The following ADAMTS3 variants were observed in gnomAD, a reference collection of about 807,000 sequenced individuals.
ADAMTS3 encodes ADAM metallopeptidase with thrombospondin type 1 motif 3, also known as A disintegrin and metalloproteinase with thrombospondin motifs 3.
ADAMTS3 carries 73 observed loss-of-function variants against 129.0 expected under a neutral mutation model. The ratio of observed to expected loss-of-function variants is 0.57; its 90% CI spans 0.47 to 0.69. The LOEUF (loss-of-function observed/expected upper bound fraction) is 0.69, where lower values mean the gene tolerates loss of function less well. ADAMTS3 is among the 30% of genes least tolerant of loss of function. The pLI, the probability that ADAMTS3 is intolerant of heterozygous loss-of-function variation, is 0.00. For synonymous variants in ADAMTS3, 477 were observed against 510.8 expected (o/e 0.93, Z 0.89); for missense variants, 1,457 against 1,514.5 (o/e 0.96, Z 0.63).
intron 3 of ADAMTS3, among the ~76,000 whole-genome samples, chr4:72,521,254 GC>G (rs1560548948): frequency 6.6e-6 from 1 of 152,136 alleles, no homozygotes; most frequent in South Asian, 2.1e-4. Context: ...TGCCTCAGCT[GC>G]CCAAAGTGCT....
chr4:72,422,748 T>C (rs995144123), intron 3 of ADAMTS3, among the ~76,000 whole-genome samples: 4 of 152,144 alleles, frequency 2.6e-5, no homozygotes, highest in Non-Finnish European at 4.4e-5. Flanking sequence ...AGCCCAATTA[T>C]AATAAACTAG....
At chr4:72,377,429 G>T (rs1721161287) in intron 4 of ADAMTS3, among the ~76,000 whole-genome samples, 1 of 152,094 alleles carries the variant, frequency 6.6e-6, no homozygotes, top group Non-Finnish European at 1.5e-5. Flanking sequence ...AGAGGAAAAA[G>T]GATTTAGGAT....
intron 3 of ADAMTS3, among the ~76,000 whole-genome samples, chr4:72,521,638 C>T (rs765636532): frequency 1.1e-4 from 16 of 152,032 alleles, no homozygotes; most frequent in Admixed American, 5.2e-4. Context: ...GAAACATCCT[C>T]GAAAGTGACT....
At chr4:72,405,558 A>G (rs543331181) in intron 4 of ADAMTS3, among the ~76,000 whole-genome samples, 3 of 152,224 alleles carry the variant, frequency 2.0e-5, no homozygotes, top group Admixed American at 2.0e-4. Flanking sequence ...TATATCACAA[A>G]CTTTTTAAAT....
intron 3 of ADAMTS3, among the ~76,000 whole-genome samples, chr4:72,475,564 G>A (rs1342824077): frequency 1.3e-5 from 2 of 151,830 alleles, no homozygotes; most frequent in Non-Finnish European, 2.9e-5. Flanking sequence ...AATTACAGTT[G>A]GAGTCTTTAA....
In ADAMTS3 at chr4:72,283,188, C is replaced by CCAT; in HGVS notation, c.3563_3565dup (p.Asp1188dup). ...CGGACGTCTGTTGTCAATGATCTTT[C>CCAT]CATCTTTCTTTGAGGTTCTTGCCTG... On this transcript the variant is annotated inframe_insertion, in exon 22 of 22. Transcript: ENST00000286657. 1.2e-6 allele frequency: 2 copies of CCAT among 1,613,678 alleles called. No homozygotes were observed. The highest frequency in any genetic ancestry group is 2.7e-5 in the African/African-American group (2 of 74,998).
Position 72,408,911 on chromosome 4 carries a change from G to A in ADAMTS3, c.661+5904C>T, listed in dbSNP as rs112819433. On this transcript the variant is annotated intron_variant, in intron 4 of 21. Transcript: ENST00000286657. Reference sequence around the variant, plus strand: ...GAGGAGAACATCACACACCAGGGCCGGTCGGGGGGTGGGGGCCTAGGGGAG... The same window carrying A: ...GAGGAGAACATCACACACCAGGGCCAGTCGGGGGGTGGGGGCCTAGGGGAG... Among the ~76,000 whole-genome samples, 288 of 151,904 alleles carry A rather than the reference G, an allele frequency of 1.9e-3. 1 individual carries two copies. Among genetic ancestry groups the A allele is most frequent in the African/African-American group, 6.2e-3 (258 of 41,424 alleles).
intron 3 of ADAMTS3, among the ~76,000 whole-genome samples, chr4:72,520,530 C>A (rs546623920): frequency 6.6e-6 from 1 of 152,226 alleles, no homozygotes; most frequent in African/African-American, 2.4e-5. Flanking sequence ...TTTACCTAAG[C>A]GAGCCTGGGC....
chr4:72,409,554 T>G (rs548077440), intron 4 of ADAMTS3, among the ~76,000 whole-genome samples: 1 of 141,498 alleles, frequency 7.1e-6, no homozygotes, highest in Non-Finnish European at 1.6e-5. Flanking sequence ...CATCTTCAAT[T>G]CTTTATTGGA....
chr4:72,356,365 A>G, intron 4 of ADAMTS3, among the ~76,000 whole-genome samples: 1 of 152,042 alleles, frequency 6.6e-6, no homozygotes, highest in Middle Eastern at 3.4e-3. Context: ...AGAGGCACAC[A>G]CTATTATATG....
chr4:72,563,628 TG>T (rs1721956254), intron 2 of ADAMTS3, among the ~76,000 whole-genome samples: 1 of 152,108 alleles, frequency 6.6e-6, no homozygotes, highest in Non-Finnish European at 1.5e-5. Flanking sequence ...CTGTGCTTTG[TG>T]GGGTGGAAGA....
chr4:72,298,326 A>T lies in ADAMTS3; in HGVS notation c.2541T>A (p.Phe847Leu), dbSNP rs1337194456. ...GAGACCAGCTCTTCAAAGCCCACTCAAAAGTATCTAATTCTTCCTGGATGA... is the reference window on the plus strand; with the variant it reads ...GAGACCAGCTCTTCAAAGCCCACTCTAAAGTATCTAATTCTTCCTGGATGA... ...NNVIQEELDT[F>L]EWALKSWSQC... is the part of the protein sequence containing the mutation. Residue 847 changes from phenylalanine (F) to leucine (L), a missense_variant, in exon 18 of 22, where the codon TTT (phenylalanine) becomes TTA (leucine). Coordinates refer to ENST00000286657, the MANE Select transcript of ADAMTS3 (RefSeq NM_014243.3). 1 of 1,613,198 alleles carries T rather than the reference A, an allele frequency of 6.2e-7. No homozygotes were observed. The highest frequency in any genetic ancestry group is 2.2e-5 in the East Asian group (1 of 44,812).
intron 11 of ADAMTS3, 64 bp from the exon 12 acceptor site, chr4:72,313,886 C>T (rs1719315205): frequency 1.3e-6 from 2 of 1,580,296 alleles, no homozygotes; most frequent in East Asian, 2.3e-5. Flanking sequence ...AGTTGTTATA[C>T]AAGAACCATC....
chr4:72,517,403 A>G (rs1477255819), intron 3 of ADAMTS3, among the ~76,000 whole-genome samples: 1 of 152,196 alleles, frequency 6.6e-6, no homozygotes, highest in African/African-American at 2.4e-5. Flanking sequence ...ATAGTTTCAG[A>G]AAGAATGGTA....
intron 3 of ADAMTS3, among the ~76,000 whole-genome samples, chr4:72,428,549 G>C (rs949808672): frequency 6.6e-6 from 1 of 151,974 alleles, no homozygotes; most frequent in African/African-American, 2.4e-5. Flanking sequence ...CTGATTAAAT[G>C]CTCATTTTTT....
chr4:72,427,028 A>G (rs1195020988), intron 3 of ADAMTS3, among the ~76,000 whole-genome samples: 4 of 152,170 alleles, frequency 2.6e-5, no homozygotes, highest in Non-Finnish European at 4.4e-5. Context: ...TATTGCTGCC[A>G]TAACAAATTG....
At chr4:72,331,949 G>A (rs1719863480) in intron 5 of ADAMTS3, among the ~76,000 whole-genome samples, 1 of 152,004 alleles carries the variant, frequency 6.6e-6, no homozygotes, top group African/African-American at 2.4e-5. Context: ...ATTATCATTT[G>A]TTGATTGGTT....
intron 3 of ADAMTS3, among the ~76,000 whole-genome samples, chr4:72,445,557 G>T (rs939597119): frequency 1.3e-5 from 2 of 151,624 alleles, no homozygotes; most frequent in African/African-American, 4.8e-5. Context: ...AGTTTGAAAG[G>T]GGAAACATAG....
intron 3 of ADAMTS3, among the ~76,000 whole-genome samples, chr4:72,538,278 C>A (rs1194701859): frequency 6.6e-6 from 1 of 152,096 alleles, no homozygotes; most frequent in Non-Finnish European, 1.5e-5. Context: ...GTATAAACAT[C>A]TAAGAAGCTC....
Sources: allele counts gnomAD v4.1 joint callset (sites outside exome capture counted in the v4.1 genomes callset), GRCh38; gene constraint gnomAD v4.1.1; transcripts MANE v1.5; gene names NCBI Gene and HGNC (gene_info 2026-07-23, HGNC 2026-07-21).